The following LMO7 variants were observed in gnomAD, a reference collection of about 807,000 sequenced individuals.
LMO7 encodes the protein LIM domain only protein 7.
Under a neutral mutation model 206.5 loss-of-function variants are expected in LMO7, and 120 were observed. The ratio of observed to expected loss-of-function variants is 0.58; its 90% CI spans 0.50 to 0.68. The LOEUF (loss-of-function observed/expected upper bound fraction) is 0.68, where lower values mean the gene tolerates loss of function less well. LMO7 is among the 30% of genes least tolerant of loss of function. The pLI, the probability that LMO7 is intolerant of heterozygous loss-of-function variation, is 0.00. For missense variants in LMO7, 1,959 were observed against 1,957.9 expected (o/e 1.00, Z -0.01); for synonymous variants, 706 against 681.5 (o/e 1.04, Z -0.56).
At chr13:75,783,682 C>T (rs1236376039) in intron 4 of LMO7, among the ~76,000 whole-genome samples, 3 of 152,156 alleles carry the variant, frequency 2.0e-5, no homozygotes, top group Non-Finnish European at 4.4e-5. Flanking sequence ...ATGAGTTTTT[C>T]TTCCAAGGTG....
chr13:75,691,494 G>C (rs1372818871), intron 1 of LMO7, among the ~76,000 whole-genome samples: 1 of 152,128 alleles, frequency 6.6e-6, no homozygotes, highest in East Asian at 1.9e-4. Flanking sequence ...TCATCAGCCT[G>C]AACACTCAGG....
intron 1 of LMO7, among the ~76,000 whole-genome samples, chr13:75,664,546 A>G (rs530734793): frequency 6.6e-6 from 1 of 152,254 alleles, no homozygotes; most frequent in African/African-American, 2.4e-5. Flanking sequence ...TATACCTAAG[A>G]GTGGGATTAC....
chr13:75,793,685 A>G (rs2053610871), intron 4 of LMO7, among the ~76,000 whole-genome samples: 1 of 152,232 alleles, frequency 6.6e-6, no homozygotes, highest in East Asian at 1.9e-4. Flanking sequence ...TTGAAGGATA[A>G]TATACAGAAA....
chr13:75,653,979 TAA>T (rs763968388), intron 1 of LMO7, among the ~76,000 whole-genome samples: 1 of 152,224 alleles, frequency 6.6e-6, no homozygotes, highest in Admixed American at 6.5e-5. Context: ...GATCTCTTGA[TAA>T]AGAGTGTAAT....
At chr13:75,653,500 G>A (rs2037771790) in intron 1 of LMO7, among the ~76,000 whole-genome samples, 1 of 152,192 alleles carries the variant, frequency 6.6e-6, no homozygotes, top group South Asian at 2.1e-4. Context: ...GACAGTGCCT[G>A]GAGCCTTGAT....
chr13:75,702,171 G>A (rs1038459202), intron 1 of LMO7, among the ~76,000 whole-genome samples: 26 of 148,450 alleles, frequency 1.8e-4, no homozygotes, highest in African/African-American at 4.6e-4. Context: ...TGAGAATTTT[G>A]AGTGTTTATA....
intron 1 of LMO7, among the ~76,000 whole-genome samples, chr13:75,708,132 C>T (rs1406968724): frequency 6.6e-6 from 1 of 152,060 alleles, no homozygotes; most frequent in Non-Finnish European, 1.5e-5. Flanking sequence ...ACTGTTTAAC[C>T]ACCCTCAAGA....
intron 1 of LMO7, among the ~76,000 whole-genome samples, chr13:75,657,574 G>C (rs2038177824): frequency 2.0e-5 from 3 of 152,140 alleles, no homozygotes; most frequent in Admixed American, 1.3e-4. Context: ...AAGAGAGAAT[G>C]AATATGAACC....
intron 15 of LMO7, among the ~76,000 whole-genome samples, chr13:75,828,830 T>A (rs551521114): frequency 7.5e-4 from 114 of 152,042 alleles, no homozygotes; most frequent in Non-Finnish European, 1.0e-3. Flanking sequence ...TGATTCAAGA[T>A]GGATTATGGA....
intron 4 of LMO7, among the ~76,000 whole-genome samples, chr13:75,787,738 C>CA (rs1392771736): frequency 5.3e-5 from 8 of 152,128 alleles, no homozygotes; most frequent in Non-Finnish European, 7.4e-5. Context: ...ACCAATGAGT[C>CA]ACACGCCTCT....
Position 75,752,121 on chromosome 13 carries a change from CATTTT to C in LMO7, c.211-8797_211-8793del, listed in dbSNP as rs764442278. Among the ~76,000 whole-genome samples the C allele has an allele frequency of 1.6e-4, 25 of 151,932 alleles. No individual in the cohort carries two copies. The South Asian group carries it at 3.1e-3, about 19-fold the overall frequency. The stretch of plus-strand genomic sequence containing the variant: ...ATATGCAACAGCACTTGTTAAAGAA[CATTTT>C]ATTTTATTTTATTATTATTATTTTT... On this transcript the variant is annotated intron_variant, in intron 3 of 30. Transcript: ENST00000377534.
intron 3 of LMO7, among the ~76,000 whole-genome samples, chr13:75,729,820 G>C (rs1319702688): frequency 6.6e-6 from 1 of 150,428 alleles, no homozygotes; most frequent in Non-Finnish European, 1.5e-5. Flanking sequence ...CTAATTTATT[G>C]AGAGTTTTTA....
intron 25 of LMO7, among the ~76,000 whole-genome samples, chr13:75,843,621 G>T (rs1420351679): frequency 7.9e-5 from 12 of 152,212 alleles, no homozygotes; most frequent in Non-Finnish European, 1.2e-4. Flanking sequence ...CTACTGGTCA[G>T]TTTTGGGGAA....
At chr13:75,729,804 C>T (rs2044934336) in intron 3 of LMO7, among the ~76,000 whole-genome samples, 1 of 150,600 alleles carries the variant, frequency 6.6e-6, no homozygotes, top group African/African-American at 2.5e-5. Flanking sequence ...TATGTCCCAT[C>T]AATACCTAAT....
chr13:75,722,108 A>G (rs1434041550), intron 2 of LMO7, among the ~76,000 whole-genome samples: 1 of 152,244 alleles, frequency 6.6e-6, no homozygotes, highest in African/African-American at 2.4e-5. Context: ...AAGATTCTGG[A>G]AGATAACATT....
chr13:75,702,505 G>A (rs2042348735), intron 1 of LMO7, among the ~76,000 whole-genome samples: 1 of 152,038 alleles, frequency 6.6e-6, no homozygotes, highest in Non-Finnish European at 1.5e-5. Flanking sequence ...TATTAGTATT[G>A]GCAAAAATAG....
At chr13:75,754,929 A>G (rs2047557413) in intron 3 of LMO7, among the ~76,000 whole-genome samples, 2 of 152,238 alleles carry the variant, frequency 1.3e-5, no homozygotes, top group South Asian at 4.1e-4. Flanking sequence ...TTAAGATTCC[A>G]TTGAAGTGTA....
intron 5 of LMO7, among the ~76,000 whole-genome samples, chr13:75,795,741 G>A (rs1181244791): frequency 6.6e-6 from 1 of 152,088 alleles, no homozygotes; most frequent in Non-Finnish European, 1.5e-5. Flanking sequence ...TCTTTTAATG[G>A]CTGCATAGTA....
rs112281492 is a variant in LMO7, at chr13:75,832,759, C to T, written c.2950-292C>T. On this transcript the variant is annotated intron_variant, in intron 15 of 30. Coordinates refer to ENST00000377534, the MANE Select transcript of LMO7 (RefSeq NM_001306080.2). Reference sequence around the variant, plus strand: ...GGCCTATAAGTTAGACCCAATTGTACAGTGGGCAGAAACCTAAGCTTATCC... The same window carrying T: ...GGCCTATAAGTTAGACCCAATTGTATAGTGGGCAGAAACCTAAGCTTATCC... 9.7e-3 allele frequency among the ~76,000 whole-genome samples: 1,476 copies of T among 152,202 alleles called. 20 individuals are homozygous for T. Among genetic ancestry groups the T allele is most frequent in the African/African-American group, 0.033 (1,367 of 41,532 alleles).
Sources: gnomAD v4.1 joint callset for allele counts (sites outside exome capture counted in the v4.1 genomes callset) on GRCh38, gnomAD v4.1.1 for gene constraint, MANE v1.5 for transcripts, NCBI Gene and HGNC (gene_info 2026-07-23, HGNC 2026-07-21) for gene names.